NRXN3: variants seen among roughly 807,000 people sequenced by gnomAD.
The protein encoded by NRXN3 is neurexin III.
NRXN3 carries 32 observed loss-of-function variants against 137.6 expected under a neutral mutation model. The ratio of observed to expected loss-of-function variants is 0.23; its 90% CI spans 0.18 to 0.31. The LOEUF (loss-of-function observed/expected upper bound fraction) is 0.31, where lower values mean the gene tolerates loss of function less well. Among genes scored for constraint, NRXN3 ranks in the 10% least tolerant of loss-of-function variants. The pLI is 1.00. For missense variants in NRXN3, 1,574 were observed against 2,062.5 expected (o/e 0.76, Z 4.59); for synonymous variants, 798 against 784.5 (o/e 1.02, Z -0.29).
At chr14:79,204,164 GATTTC>G (rs2066461554) in intron 15 of NRXN3, among the ~76,000 whole-genome samples, 1 of 151,952 alleles carries the variant, frequency 6.6e-6, no homozygotes, top group Non-Finnish European at 1.5e-5. Flanking sequence ...AAAGAAAAAA[GATTTC>G]CATTACAAAG....
In NRXN3 at chr14:78,185,640, G is replaced by A. The variant is rs182262496; in HGVS notation, c.-704+14966G>A. ...TTCAGGTGATGGACCTCAGCTTTGG[G>A]TCAGTTAGGGGTGCCTGATATAATC... On this transcript the variant is annotated intron_variant, in intron 1 of 20. Coordinates refer to ENST00000335750, the MANE Select transcript of NRXN3 (RefSeq NM_001330195.2). 1.4e-3 allele frequency among the ~76,000 whole-genome samples: 219 copies of A among 152,304 alleles called. 1 individual carries two copies. The highest frequency in any genetic ancestry group is 2.4e-3 in the Non-Finnish European group (160 of 68,028).
At chr14:78,666,210 G>A (rs1318669161) in intron 6 of NRXN3, among the ~76,000 whole-genome samples, 3 of 152,104 alleles carry the variant, frequency 2.0e-5, no homozygotes, top group Non-Finnish European at 4.4e-5. Flanking sequence ...CAGATCTCTA[G>A]AACTTTTCTC....
intron 1 of NRXN3, among the ~76,000 whole-genome samples, chr14:78,235,004 A>ATATATATATATGTG (rs1555418580): frequency 1.5e-5 from 1 of 65,656 alleles, no homozygotes; most frequent in Non-Finnish European, 2.8e-5. Context: ...TTATATATAT[A>ATATATATATATGTG]TATATATATA....
rs115501498 is a variant in NRXN3, at chr14:79,426,237, T to A, written c.3263-40984T>A. ...AACCTCCTTTCACCTCCTGGCCAGC[T>A]GCAGCGCTACCATCACCAGCTATAG... On this transcript the variant is annotated intron_variant, in intron 15 of 20. Coordinates refer to ENST00000335750, the MANE Select transcript of NRXN3 (RefSeq NM_001330195.2). Among the ~76,000 whole-genome samples, 997 of 152,292 alleles carry A rather than the reference T, an allele frequency of 6.5e-3. 14 individuals carry two copies. The highest frequency in any genetic ancestry group is 0.023 in the African/African-American group (961 of 41,556).
At chr14:78,663,314 C>CAT (rs913968852) in intron 6 of NRXN3, among the ~76,000 whole-genome samples, 15 of 152,186 alleles carry the variant, frequency 9.9e-5, no homozygotes, top group Non-Finnish European at 1.9e-4. Flanking sequence ...TAGGAAAGGT[C>CAT]ATTTAATCAG....
intron 4 of NRXN3, among the ~76,000 whole-genome samples, chr14:78,368,082 A>G (rs1434911504): frequency 6.6e-6 from 1 of 152,250 alleles, no homozygotes; most frequent in Non-Finnish European, 1.5e-5. Context: ...TGGCAGTTTT[A>G]GCAACGGGAA....
intron 1 of NRXN3, among the ~76,000 whole-genome samples, chr14:78,180,618 C>T (rs930091573): frequency 6.6e-6 from 1 of 152,214 alleles, no homozygotes; most frequent in African/African-American, 2.4e-5. Context: ...ACCTCTACAG[C>T]TGTGTTCTAT....
At chr14:79,534,078 C>T (rs1427184216) in intron 16 of NRXN3, among the ~76,000 whole-genome samples, 2 of 152,134 alleles carry the variant, frequency 1.3e-5, no homozygotes, top group East Asian at 3.9e-4. Flanking sequence ...TGGAAAAAAT[C>T]AGAAACAATC....
chr14:79,533,275 A>G (rs991169525), intron 16 of NRXN3, among the ~76,000 whole-genome samples: 14 of 152,176 alleles, frequency 9.2e-5, no homozygotes, highest in Admixed American at 2.0e-4. Flanking sequence ...CAAGCAGTCC[A>G]ACCCTGCCTG....
At chr14:79,641,864 G>C (rs1358184102) in intron 16 of NRXN3, among the ~76,000 whole-genome samples, 1 of 135,164 alleles carries the variant, frequency 7.4e-6, no homozygotes, top group African/African-American at 2.5e-5. Context: ...GGAGAAAAAA[G>C]TCTATCATTA....
intron 4 of NRXN3, among the ~76,000 whole-genome samples, chr14:78,571,783 CTG>C (rs759106301): frequency 5.9e-5 from 9 of 152,186 alleles, no homozygotes; most frequent in Non-Finnish European, 1.0e-4. Context: ...TGTGATGAGT[CTG>C]TGTTATAACA....
intron 16 of NRXN3, among the ~76,000 whole-genome samples, chr14:79,484,010 G>A (rs927401102): frequency 2.0e-5 from 3 of 152,066 alleles, no homozygotes; most frequent in African/African-American, 7.2e-5. Flanking sequence ...TATCTTCATG[G>A]TAGTTCAAGG....
intron 15 of NRXN3, among the ~76,000 whole-genome samples, chr14:79,271,113 A>T: frequency 6.6e-6 from 1 of 152,190 alleles, no homozygotes; most frequent in East Asian, 1.9e-4. Flanking sequence ...AGTGAGACAG[A>T]CACTTGAGTC....
At chr14:79,816,560 CT>C (rs2099252061) in intron 20 of NRXN3, among the ~76,000 whole-genome samples, 1 of 152,160 alleles carries the variant, frequency 6.6e-6, no homozygotes, top group Admixed American at 6.5e-5. Context: ...TCCTCTTTTA[CT>C]AACATTGACA....
At chr14:78,769,872 T>C (rs756482886) in intron 8 of NRXN3, among the ~76,000 whole-genome samples, 4 of 152,022 alleles carry the variant, frequency 2.6e-5, no homozygotes, top group Non-Finnish European at 5.9e-5. Flanking sequence ...CTGGTTCCAC[T>C]TGGCTGAAGT....
chr14:78,408,128 T>G (rs569110805), intron 4 of NRXN3, among the ~76,000 whole-genome samples: 104 of 152,268 alleles, frequency 6.8e-4, no homozygotes, highest in African/African-American at 2.5e-3. Flanking sequence ...GTTTAACAAG[T>G]TCATGTGAAA....
At chr14:78,750,869 A>G (rs1284623438) in intron 8 of NRXN3, among the ~76,000 whole-genome samples, 1 of 152,108 alleles carries the variant, frequency 6.6e-6, no homozygotes, top group East Asian at 1.9e-4. Context: ...CCCTTCCTTT[A>G]GTTTCTCTTT....
chr14:78,689,692 C>T (rs1386245553), intron 6 of NRXN3, among the ~76,000 whole-genome samples: 4 of 152,090 alleles, frequency 2.6e-5, no homozygotes, highest in South Asian at 2.1e-4. Flanking sequence ...GACTCAATAT[C>T]TTAATATCAA....
intron 10 of NRXN3, among the ~76,000 whole-genome samples, chr14:78,817,823 G>A (rs902155498): frequency 6.7e-4 from 101 of 151,508 alleles, no homozygotes; most frequent in African/African-American, 2.4e-3. Context: ...TGACTCAAAC[G>A]CCTCCCACTG....
Sources: allele counts gnomAD v4.1 joint callset (sites outside exome capture counted in the v4.1 genomes callset), GRCh38; gene constraint gnomAD v4.1.1; transcripts MANE v1.5; gene names NCBI Gene and HGNC (gene_info 2026-07-23, HGNC 2026-07-21).